Variants in RMND1 observed in about 807,000 individuals in gnomAD.
RMND1 encodes the protein required for meiotic nuclear division protein 1 homolog.
Under a neutral mutation model 54.0 loss-of-function variants are expected in RMND1, and 41 were observed. That is an observed-to-expected ratio of 0.76 (90% CI 0.59 to 0.98). RMND1 has a LOEUF of 0.98. Ranked by LOEUF, RMND1 falls within the 50% of genes least tolerant of loss-of-function variation. The pLI is 0.00. For synonymous variants in RMND1, 183 were observed against 181.7 expected (o/e 1.01, Z -0.06); for missense variants, 457 against 532.0 (o/e 0.86, Z 1.39).
rs1779592115 is a variant in RMND1, at chr6:151,405,724, A to G, written c.1313T>C (p.Ile438Thr). 2 of 1,462,312 alleles carry G rather than the reference A, an allele frequency of 1.4e-6. No individual in the cohort carries two copies. The highest frequency in any genetic ancestry group is 1.4e-5 in the African/African-American group (1 of 71,900). 90.6% of individuals were successfully genotyped at this position (1,462,312 alleles called of 1,614,324 possible). A position where few individuals can be genotyped will look rare whatever the true frequency, so the allele number is the denominator to read the frequency against. Reference protein sequence around the residue: ...LEWMIVILITIEVMFELGRVF... With the variant: ...LEWMIVILITTEVMFELGRVF... ...TACAGAGCATTTCCATCTTACCTCT[A>G]TGGTAATGAGGATGACAATCATCCA... is the stretch of plus-strand genomic sequence containing the variant. The change falls in exon 11 of 12, where the codon ATA becomes ACA. Residue 438 changes from isoleucine to threonine, a missense_variant. Coordinates refer to ENST00000444024, the MANE Select transcript of RMND1 (RefSeq NM_017909.4).
At position 151,419,509 on chromosome 6, in the gene RMND1, C is replaced by A. The variant is rs949853165; in HGVS notation, c.1079+1736G>T. On this transcript the variant is annotated intron_variant, in intron 9 of 11. Coordinates refer to ENST00000444024, the MANE Select transcript of RMND1 (RefSeq NM_017909.4). ...GCAAGGGTTTGAGACCCTGTCTCTA[C>A]AAATTATTTTTAAAATTAGCTGGGT... is the stretch of plus-strand genomic sequence containing the variant. Among the ~76,000 whole-genome samples the A allele has an allele frequency of 2.6e-5, 4 of 151,750 alleles. No homozygotes were observed. The East Asian group carries it at 5.9e-4, about 22-fold the overall frequency.
chr6:151,432,299 C>T (rs1212660732), intron 4 of RMND1, among the ~76,000 whole-genome samples: 1 of 152,116 alleles, frequency 6.6e-6, no homozygotes, highest in African/African-American at 2.4e-5. Flanking sequence ...ATCTAAATTC[C>T]TCACTCGGAA....
intron 1 of RMND1, among the ~76,000 whole-genome samples, chr6:151,448,074 C>T (rs1395928549): frequency 6.6e-6 from 1 of 152,138 alleles, no homozygotes; most frequent in East Asian, 1.9e-4. Context: ...CCTTGGCCTC[C>T]TAAAGTGTTG....
At chr6:151,436,115 A>C (rs1310824087) in intron 3 of RMND1, 9 of 198,140 alleles carry the variant, frequency 4.5e-5, no homozygotes, top group East Asian at 1.4e-4. Context: ...CAAAAAACAA[A>C]AAAAAAAAAA....
chr6:151,423,405 G>C, intron 7 of RMND1, 120 bp downstream of exon 7: 1 of 642,140 alleles, frequency 1.6e-6, no homozygotes, highest in Non-Finnish European at 2.7e-6. Flanking sequence ...GGAAAAAAAG[G>C]AAAAGGAATG....
intron 10 of RMND1, among the ~76,000 whole-genome samples, chr6:151,407,979 G>A (rs376924192): frequency 5.3e-5 from 8 of 152,040 alleles, no homozygotes; most frequent in South Asian, 4.1e-4. Flanking sequence ...GCATGTACGC[G>A]TCGAGCATGC....
At chr6:151,423,080 T>C (rs1408247688) in intron 7 of RMND1, among the ~76,000 whole-genome samples, 2 of 152,116 alleles carry the variant, frequency 1.3e-5, no homozygotes, top group East Asian at 3.9e-4. Flanking sequence ...ACTTGTATAG[T>C]TTTATTCGGG....
At chr6:151,450,394 G>C in intron 1 of RMND1, among the ~76,000 whole-genome samples, 1 of 146,644 alleles carries the variant, frequency 6.8e-6, no homozygotes, top group East Asian at 2.0e-4. Context: ...ACCCCATCCG[G>C]GAGGGAGGTG....
chr6:151,422,977 C>T (rs1385652790), intron 7 of RMND1, among the ~76,000 whole-genome samples: 1 of 152,164 alleles, frequency 6.6e-6, no homozygotes, highest in Non-Finnish European at 1.5e-5. Context: ...TAAGAGTAAA[C>T]CTCAGAAATC....
intron 2 of RMND1, chr6:151,444,558 G>C: frequency 6.6e-6 from 1 of 152,112 alleles, no homozygotes. Flanking sequence ...CTTGAAGACA[G>C]ACATTCTAAC....
chr6:151,412,104 C>T (rs1057450715), intron 10 of RMND1, among the ~76,000 whole-genome samples: 1 of 152,142 alleles, frequency 6.6e-6, no homozygotes, highest in Non-Finnish European at 1.5e-5. Context: ...TAGGTTCAAG[C>T]GATTTTCCTG....
chr6:151,424,569 A>G (rs193264392), intron 6 of RMND1, among the ~76,000 whole-genome samples: 2 of 152,276 alleles, frequency 1.3e-5, no homozygotes, highest in Non-Finnish European at 2.9e-5. Context: ...GAAAAACTTA[A>G]AAGTGTGTTT....
intron 9 of RMND1, among the ~76,000 whole-genome samples, chr6:151,419,898 G>A (rs1780110381): frequency 6.6e-6 from 1 of 151,980 alleles, no homozygotes; most frequent in Admixed American, 6.6e-5. Context: ...ACATGTACAT[G>A]TGTATGCATA....
At chr6:151,429,354 C>G (rs1032579361) in intron 5 of RMND1, among the ~76,000 whole-genome samples, 1 of 152,152 alleles carries the variant, frequency 6.6e-6, no homozygotes, top group African/African-American at 2.4e-5. Context: ...CTCCTGGCCT[C>G]AAGATACCTG....
intron 1 of RMND1, among the ~76,000 whole-genome samples, chr6:151,446,719 A>G (rs1258593793): frequency 1.3e-5 from 2 of 152,180 alleles, no homozygotes; most frequent in African/African-American, 2.4e-5. Flanking sequence ...AGCCTGGCCA[A>G]CATGGCAAAA....
chr6:151,445,425 A>G lies in RMND1; in HGVS notation c.387T>C (p.Ser129=), dbSNP rs377298528. ...TTGGAACAAATGTTTCCGTTGATAC[A>G]GATGAGAAATGCCTCTTTAATATTT... is the stretch of plus-strand genomic sequence containing the variant. ...FIKILKRHFS[S]VSTETFVPKQ... is the part of the protein sequence containing the mutation. Residue 129 remains serine (S), a synonymous_variant, in exon 2 of 12, where the codon TCT becomes TCC. Transcript: ENST00000444024. 1.2e-5 allele frequency: 20 copies of G among 1,614,182 alleles called. No homozygotes were observed. Among genetic ancestry groups the G allele is most frequent in the Non-Finnish European group, 1.5e-5 (18 of 1,179,994 alleles).
intron 7 of RMND1, 68 bp from the exon 8 acceptor site, chr6:151,422,673 T>TG: frequency 4.5e-6 from 3 of 671,692 alleles, no homozygotes; most frequent in Non-Finnish European, 7.4e-6. Context: ...AATACATAAT[T>TG]GCACAGCATC....
intron 3 of RMND1, among the ~76,000 whole-genome samples, chr6:151,434,190 G>A (rs1780533405): frequency 6.6e-6 from 1 of 152,086 alleles, no homozygotes; most frequent in Non-Finnish European, 1.5e-5. Flanking sequence ...TTCATCATAA[G>A]AAGTTGCTTT....
At chr6:151,412,744 A>C (rs1779885619) in intron 10 of RMND1, among the ~76,000 whole-genome samples, 1 of 152,154 alleles carries the variant, frequency 6.6e-6, no homozygotes, top group South Asian at 2.1e-4. Flanking sequence ...TGGAAGGTGA[A>C]GGGAGAGCAG....
Sources: allele counts gnomAD v4.1 joint callset (sites outside exome capture counted in the v4.1 genomes callset), GRCh38; gene constraint gnomAD v4.1.1; transcripts MANE v1.5; gene names NCBI Gene and HGNC (gene_info 2026-07-23, HGNC 2026-07-21).